Variants in METTL15 observed in about 807,000 individuals in gnomAD.
METTL15 encodes methyltransferase 15, mitochondrial 12S rRNA N4-cytidine, also known as 12S rRNA N(4)-cytidine methyltransferase METTL15.
In METTL15, 34 loss-of-function variants were observed where a neutral mutation model predicts 38.3. That is an observed-to-expected ratio of 0.89 (90% CI 0.68 to 1.18). The LOEUF (loss-of-function observed/expected upper bound fraction) is 1.18. METTL15 is among the 50% of genes most tolerant of loss of function. The probability of loss-of-function intolerance (pLI) is 0.00; values close to 1 mark genes in which losing one functional copy is unlikely to be tolerated. For synonymous variants in METTL15, 162 were observed against 170.9 expected (o/e 0.95, Z 0.41); for missense variants, 438 against 498.4 (o/e 0.88, Z 1.15).
chr11:28,377,401 C>T (rs1479042845), intron 5 of METTL15, among the ~76,000 whole-genome samples: 1 of 152,122 alleles, frequency 6.6e-6, no homozygotes, highest in Non-Finnish European at 1.5e-5. Context: ...CGCTTCATTT[C>T]ATTCATTTCA....
intron 6 of METTL15, among the ~76,000 whole-genome samples, chr11:28,297,506 T>C (rs1158310899): frequency 6.6e-6 from 1 of 152,126 alleles, no homozygotes; most frequent in East Asian, 1.9e-4. Flanking sequence ...AAATCAGCCT[T>C]AGGGGCTTAT....
chr11:28,132,881 T>G (rs1318710413), intron 3 of METTL15, among the ~76,000 whole-genome samples: 1 of 152,180 alleles, frequency 6.6e-6, no homozygotes. Context: ...GAATTAATAC[T>G]TACTTACAAA....
At chr11:28,504,197 CAAAAAAAAAAA>C (rs376321913) in intron 6 of METTL15, among the ~76,000 whole-genome samples, 3 of 71,158 alleles carry the variant, frequency 4.2e-5, no homozygotes, top group South Asian at 6.0e-4. Flanking sequence ...AACTCTGTCT[CAAAAAAAAAAA>C]AAAAAAAAAA....
chr11:28,181,770 C>T (rs1303161217), intron 3 of METTL15, among the ~76,000 whole-genome samples: 5 of 152,086 alleles, frequency 3.3e-5, no homozygotes, highest in Non-Finnish European at 7.4e-5. Context: ...TTGGTATATA[C>T]CCAGTAATGG....
At chr11:28,293,515 C>T (rs1310653030) in intron 5 of METTL15, among the ~76,000 whole-genome samples, 6 of 151,352 alleles carry the variant, frequency 4.0e-5, no homozygotes, top group African/African-American at 7.3e-5. Flanking sequence ...GTTCTTGTGG[C>T]TTAGGATTGA....
At chr11:28,343,563 C>G (rs1440096633) in intron 3 of METTL15, among the ~76,000 whole-genome samples, 1 of 152,150 alleles carries the variant, frequency 6.6e-6, no homozygotes, top group African/African-American at 2.4e-5. Context: ...TGCATGCAGT[C>G]TTTCTTCAGA....
intron 6 of METTL15, among the ~76,000 whole-genome samples, chr11:28,306,674 G>A (rs1276621354): frequency 6.6e-6 from 1 of 151,968 alleles, no homozygotes; most frequent in Admixed American, 6.6e-5. Context: ...GTTCTTTGAA[G>A]ACAAGCATAT....
At chr11:28,372,608 CTTTT>C (rs570340999) in intron 5 of METTL15, among the ~76,000 whole-genome samples, 2 of 146,702 alleles carry the variant, frequency 1.4e-5, no homozygotes, top group East Asian at 2.0e-4. Flanking sequence ...CCACATTATT[CTTTT>C]TTTTTTCCTT....
chr11:28,413,229 T>C (rs1376494513), intron 5 of METTL15, among the ~76,000 whole-genome samples: 3 of 152,022 alleles, frequency 2.0e-5, no homozygotes, highest in African/African-American at 7.2e-5. Flanking sequence ...AAAACAGATA[T>C]TTAGTAGTTT....
intron 5 of METTL15, among the ~76,000 whole-genome samples, chr11:28,363,153 TTA>T (rs1850154977): frequency 6.6e-6 from 1 of 152,104 alleles, no homozygotes; most frequent in African/African-American, 2.4e-5. Context: ...TTGTATGTCT[TTA>T]TATGTCTTCT....
At chr11:28,467,048 C>T (rs1030640894) in intron 6 of METTL15, among the ~76,000 whole-genome samples, 1 of 152,214 alleles carries the variant, frequency 6.6e-6, no homozygotes, top group East Asian at 1.9e-4. Context: ...CAGATTCTGG[C>T]ATGCTGCCTT....
In METTL15 at chr11:28,296,745, G is replaced by A. The variant is rs761879664; in HGVS notation, c.600-8G>A. ...GTCAGTGAACTAATTGGCTCTTCTT[G>A]TGCGTAGGTACCCTGACATGCCCAC... On this transcript the variant is annotated splice_polypyrimidine_tract_variant and splice_region_variant and intron_variant, in intron 5 of 6. Coordinates refer to ENST00000407364, the MANE Select transcript of METTL15 (RefSeq NM_001113528.2). 2.6e-5 allele frequency: 42 copies of A among 1,612,248 alleles called. No individual in the cohort carries two copies. In the South Asian group the frequency reaches 4.0e-4, roughly 15 times the overall value.
intron 6 of METTL15, among the ~76,000 whole-genome samples, chr11:28,457,398 A>T (rs912096258): frequency 3.3e-5 from 5 of 152,202 alleles, no homozygotes; most frequent in Admixed American, 3.3e-4. Context: ...CTATGAGAAG[A>T]TCATGACAAT....
At chr11:28,236,095 A>T (rs1162651466) in intron 4 of METTL15, among the ~76,000 whole-genome samples, 1 of 152,138 alleles carries the variant, frequency 6.6e-6, no homozygotes. Flanking sequence ...TTCTGTGTAT[A>T]TGCTGGATTA....
chr11:28,195,736 T>C (rs913490815), intron 3 of METTL15, among the ~76,000 whole-genome samples: 1 of 152,078 alleles, frequency 6.6e-6, no homozygotes, highest in African/African-American at 2.4e-5. Flanking sequence ...TATTTATTTT[T>C]GCTTTTGTTG....
intron 4 of METTL15, 85 bp from the exon 5 acceptor site, chr11:28,290,121 A>AT: frequency 9.0e-7 from 1 of 1,109,182 alleles, no homozygotes; most frequent in African/African-American, 1.6e-5. Context: ...TAATAATAGA[A>AT]TGTGCTCCCT....
At chr11:28,301,788 C>G (rs555285444) in intron 6 of METTL15, among the ~76,000 whole-genome samples, 1 of 152,226 alleles carries the variant, frequency 6.6e-6, no homozygotes, top group African/African-American at 2.4e-5. Context: ...TTGTTCTAGA[C>G]TATAAACATC....
chr11:28,334,422 T>A (rs1849882102), downstream of METTL15, among the ~76,000 whole-genome samples: 1 of 152,152 alleles, frequency 6.6e-6, no homozygotes, highest in South Asian at 2.1e-4. Flanking sequence ...TTTTCATAAT[T>A]GCTTCAGTAT....
At chr11:28,370,510 GA>G (rs1850232225) in intron 5 of METTL15, among the ~76,000 whole-genome samples, 1 of 151,848 alleles carries the variant, frequency 6.6e-6, no homozygotes, top group African/African-American at 2.4e-5. Flanking sequence ...AGTGCTGCAA[GA>G]AATGTGTGAG....
Sources: allele counts gnomAD v4.1 joint callset (sites outside exome capture counted in the v4.1 genomes callset), GRCh38; gene constraint gnomAD v4.1.1; transcripts MANE v1.5; gene names NCBI Gene and HGNC (gene_info 2026-07-23, HGNC 2026-07-21).